MAP2K5: variants seen among roughly 807,000 people sequenced by gnomAD.
The protein encoded by MAP2K5 is mitogen-activated protein kinase kinase 5, also known as dual specificity mitogen-activated protein kinase kinase 5.
MAP2K5 carries 49 observed loss-of-function variants against 83.1 expected under a neutral mutation model. The ratio of observed to expected loss-of-function variants is 0.59; its 90% confidence interval spans 0.47 to 0.75. The LOEUF (loss-of-function observed/expected upper bound fraction) is 0.75. MAP2K5 is among the 30% of genes least tolerant of loss of function. The pLI, the probability that MAP2K5 is intolerant of heterozygous loss-of-function variation, is 0.00. For missense variants in MAP2K5, 457 were observed against 557.5 expected (o/e 0.82, Z 1.82); for synonymous variants, 202 against 191.8 (o/e 1.05, Z -0.44).
chr15:67,692,654 C>T, intron 14 of MAP2K5, 102 bp downstream of exon 14: 1 of 830,056 alleles, frequency 1.2e-6, no homozygotes. Context: ...GCCAGACAAA[C>T]AGAAACTCTG....
intron 8 of MAP2K5, among the ~76,000 whole-genome samples, chr15:67,621,992 T>C (rs1348275603): frequency 6.6e-6 from 1 of 152,044 alleles, no homozygotes; most frequent in Non-Finnish European, 1.5e-5. Flanking sequence ...GAGATCAGCC[T>C]GGACAACATG....
chr15:67,566,341 A>T (rs1357881643), intron 3 of MAP2K5, among the ~76,000 whole-genome samples: 2 of 151,934 alleles, frequency 1.3e-5, no homozygotes, highest in African/African-American at 2.4e-5. Context: ...CGCACGGCTA[A>T]TTTTTGTACT....
At chr15:67,650,002 G>A (rs2086915389) in intron 11 of MAP2K5, among the ~76,000 whole-genome samples, 1 of 151,852 alleles carries the variant, frequency 6.6e-6, no homozygotes, top group African/African-American at 2.4e-5. Context: ...AACTTACTTA[G>A]GTCTTCTTTA....
At chr15:67,570,774 A>G (rs16951006) in intron 3 of MAP2K5, among the ~76,000 whole-genome samples, 22,405 of 152,192 alleles carry the variant, frequency 0.15, 2,144 homozygotes, top group African/African-American at 0.26. Flanking sequence ...ATAGTTGGTT[A>G]GTTTATTGAT....
In MAP2K5 at chr15:67,780,605, A is replaced by G. The variant is rs1321070114; in HGVS notation, c.1242+7853A>G. 6.6e-6 allele frequency among the ~76,000 whole-genome samples: 1 copy of G among 152,244 alleles called. No homozygotes were observed. The highest frequency in any genetic ancestry group is 1.9e-4 in the East Asian group (1 of 5,202). The stretch of plus-strand genomic sequence containing the variant: ...CAAGAACAAGCAATCCCTGGACATT[A>G]CAATATACAGTATAAATTAGGGTGG... On this transcript the variant is annotated intron_variant, in intron 21 of 21. Coordinates refer to ENST00000178640, the MANE Select transcript of MAP2K5 (RefSeq NM_145160.3). The surrounding 1 kb of genome is among the most constrained non-coding windows in gnomAD (Gnocchi z 5.0).
In MAP2K5 at chr15:67,717,143, T is replaced by C. The variant is rs555641448; in HGVS notation, c.1045-10773T>C. ...AAATGGAACTGAGCAGGAAATCAGA[T>C]AAAGGAAAAGACAGGTTAACTGTGA... On this transcript the variant is annotated intron_variant, in intron 16 of 21. Coordinates refer to ENST00000178640, the MANE Select transcript of MAP2K5 (RefSeq NM_145160.3). This position sits in a 1 kb window ranked among gnomAD's most constrained non-coding sequence, Gnocchi z 4.1. Among the ~76,000 whole-genome samples, 1 of 152,286 alleles carries C rather than the reference T, an allele frequency of 6.6e-6. No homozygotes were observed. The highest frequency in any genetic ancestry group is 1.9e-4 in the East Asian group (1 of 5,184).
chr15:67,728,376 A>G (rs143465819), intron 17 of MAP2K5, among the ~76,000 whole-genome samples: 1 of 152,296 alleles, frequency 6.6e-6, no homozygotes, highest in African/African-American at 2.4e-5. Flanking sequence ...ATAGGCCCCC[A>G]ATTTTATGAG....
intron 13 of MAP2K5, among the ~76,000 whole-genome samples, chr15:67,673,786 C>T (rs1459974898): frequency 1.3e-5 from 2 of 152,092 alleles, no homozygotes; most frequent in African/African-American, 2.4e-5. Flanking sequence ...TAACTATATA[C>T]ATTATAGTGA....
chr15:67,552,657 G>A lies in MAP2K5; in HGVS notation c.184+2575G>A, dbSNP rs2084535389. On this transcript the variant is annotated intron_variant, in intron 2 of 21. Coordinates refer to ENST00000178640, the MANE Select transcript of MAP2K5 (RefSeq NM_145160.3). This position sits in a 1 kb window ranked among gnomAD's most constrained non-coding sequence, Gnocchi z 4.2. ...TTGCTGTGTTGCTCAGGCTGGTCTT[G>A]AACTCCTGGCCTCAAGTGATAGTCC... Among the ~76,000 whole-genome samples the A allele has an allele frequency of 1.3e-5, 2 of 152,076 alleles. No individual in the cohort carries two copies. Among genetic ancestry groups the A allele is most frequent in the African/African-American group, 4.8e-5 (2 of 41,392 alleles).
chr15:67,750,569 T>G lies in MAP2K5; in HGVS notation c.1134+1968T>G, dbSNP rs2089695792. Among the ~76,000 whole-genome samples, 1 of 152,202 alleles carries G rather than the reference T, an allele frequency of 6.6e-6. No homozygotes were observed. Among genetic ancestry groups the G allele is most frequent in the Non-Finnish European group, 1.5e-5 (1 of 68,030 alleles). On this transcript the variant is annotated intron_variant, in intron 19 of 21. Coordinates refer to ENST00000178640, the MANE Select transcript of MAP2K5 (RefSeq NM_145160.3). The surrounding 1 kb of genome is among the most constrained non-coding windows in gnomAD (Gnocchi z 4.2). Reference sequence around the variant, plus strand: ...TCAGAATTACCTAAGGCTCTTGTTGTAATGCAAATTCCTGAGCCCAGATCG... The same window carrying G: ...TCAGAATTACCTAAGGCTCTTGTTGGAATGCAAATTCCTGAGCCCAGATCG...
chr15:67,707,445 T>G (rs1288297395), intron 16 of MAP2K5, among the ~76,000 whole-genome samples: 4 of 152,240 alleles, frequency 2.6e-5, no homozygotes, highest in African/African-American at 7.2e-5. Context: ...GTCAACACTT[T>G]CTAAGAATTA....
chr15:67,772,338 A>C (rs997517315), intron 20 of MAP2K5, among the ~76,000 whole-genome samples: 1 of 152,226 alleles, frequency 6.6e-6, no homozygotes, highest in African/African-American at 2.4e-5. Context: ...TATTCTCTAA[A>C]TATAAGTTTG....
intron 8 of MAP2K5, among the ~76,000 whole-genome samples, chr15:67,618,775 C>A (rs139454779): frequency 1.3e-5 from 2 of 152,256 alleles, no homozygotes; most frequent in African/African-American, 4.8e-5. Context: ...AGCTGACCAC[C>A]TTTCATCACT....
intron 5 of MAP2K5, 70 bp downstream of exon 5, chr15:67,586,000 G>A (rs2085281086): frequency 2.1e-6 from 3 of 1,407,682 alleles, no homozygotes; most frequent in African/African-American, 1.4e-5. Context: ...TTATTGAAAT[G>A]TCAAATAAAA....
At chr15:67,598,565 T>C (rs1488897454) in intron 7 of MAP2K5, among the ~76,000 whole-genome samples, 1 of 152,220 alleles carries the variant, frequency 6.6e-6, no homozygotes, top group Non-Finnish European at 1.5e-5. Context: ...GTTGGATGCT[T>C]ACTACTCCTT....
chr15:67,766,765 A>C (rs2090049484), intron 19 of MAP2K5, among the ~76,000 whole-genome samples: 1 of 152,212 alleles, frequency 6.6e-6, no homozygotes, highest in African/African-American at 2.4e-5. Context: ...GAACACTCTC[A>C]GGTATATTCC....
chr15:67,611,510 C>A (rs2085924497), intron 8 of MAP2K5, among the ~76,000 whole-genome samples: 1 of 152,064 alleles, frequency 6.6e-6, no homozygotes, highest in African/African-American at 2.4e-5. Context: ...TGGAAGATGC[C>A]AAGAGGTACT....
At chr15:67,683,714 C>T (rs1162704489) in intron 13 of MAP2K5, among the ~76,000 whole-genome samples, 5 of 151,940 alleles carry the variant, frequency 3.3e-5, no homozygotes, top group African/African-American at 1.2e-4. Context: ...GAGCCGAGAT[C>T]GCGCCATTGC....
intron 16 of MAP2K5, among the ~76,000 whole-genome samples, chr15:67,706,077 A>G (rs2088546328): frequency 6.6e-6 from 1 of 152,214 alleles, no homozygotes; most frequent in South Asian, 2.1e-4. Flanking sequence ...GAGCATGACT[A>G]TAGACAGGCA....
Sources: gnomAD v4.1 joint callset for allele counts (sites outside exome capture counted in the v4.1 genomes callset) on GRCh38, gnomAD v4.1.1 for gene constraint, Gnocchi (gnomAD v3.1) non-coding constraint, MANE v1.5 for transcripts, NCBI Gene and HGNC (gene_info 2026-07-23, HGNC 2026-07-21) for gene names.